LAMA3: variants seen among roughly 807,000 people sequenced by gnomAD.
The protein encoded by LAMA3 is laminin subunit alpha-3.
Under a neutral mutation model 402.0 loss-of-function variants are expected in LAMA3, and 281 were observed. That is an observed-to-expected ratio of 0.70 (90% CI 0.63 to 0.77). The LOEUF (loss-of-function observed/expected upper bound fraction) is 0.77. Among genes scored for constraint, LAMA3 ranks in the 30% least tolerant of loss-of-function variants. The pLI is 0.00. For missense variants in LAMA3, 3,840 were observed against 4,215.5 expected (o/e 0.91, Z 2.47); for synonymous variants, 1,431 against 1,558.4 (o/e 0.92, Z 1.93).
intron 42 of LAMA3, among the ~76,000 whole-genome samples, chr18:23,893,068 T>C (rs2080740998): frequency 6.6e-6 from 1 of 152,066 alleles, no homozygotes; most frequent in Non-Finnish European, 1.5e-5. Context: ...CCCCATATTT[T>C]CCATAATTAA....
intron 65 of LAMA3, chr18:23,931,812 C>G: frequency 2.8e-6 from 1 of 353,786 alleles, no homozygotes; most frequent in Non-Finnish European, 5.4e-6. Context: ...TGGGGTGCTA[C>G]TCTGTTCCGT....
At chr18:23,892,899 GTC>G (rs943528863) in intron 42 of LAMA3, among the ~76,000 whole-genome samples, 7 of 102,096 alleles carry the variant, frequency 6.9e-5, no homozygotes, top group East Asian at 3.9e-4. Context: ...GCGAAACTCT[GTC>G]TCAAAAAAAA....
intron 2 of LAMA3, among the ~76,000 whole-genome samples, chr18:23,722,036 C>A (rs1021569430): frequency 2.6e-5 from 4 of 152,242 alleles, no homozygotes; most frequent in African/African-American, 9.6e-5. Context: ...CTTAACATGT[C>A]ACATACGCTC....
At chr18:23,709,065 G>GT (rs746380907) in intron 1 of LAMA3, among the ~76,000 whole-genome samples, 40 of 151,038 alleles carry the variant, frequency 2.6e-4, no homozygotes, top group Middle Eastern at 3.3e-3. Context: ...TCATTTGGAG[G>GT]TTTTTTCTTT....
In LAMA3 at chr18:23,939,239, C is replaced by A. The variant is rs751028609; in HGVS notation, c.8879C>A (p.Pro2960Gln). Residue 2960 changes from proline to glutamine, a missense_variant, in exon 68 of 75, where the codon CCA becomes CAA. Physicochemically the swap from Pro to Gln is moderately conservative, Grantham distance 76. Around this residue, in one of 3 missense-constraint regions of LAMA3, gnomAD observed 840 missense variants for 981.9 expected, o/e 0.86. Transcript: ENST00000313654. ...CCCATGCAGCTGTTGCAGGACACACCAGTGGCCTCCCCAAGGAGCGTGAAG... is the reference window on the plus strand; with the variant it reads ...CCCATGCAGCTGTTGCAGGACACACAAGTGGCCTCCCCAAGGAGCGTGAAG... ...FRINQLLQDT[P>Q]VASPRSVKVW... 1 of 1,614,078 alleles carries A rather than the reference C, an allele frequency of 6.2e-7. No homozygotes were observed. Among genetic ancestry groups the A allele is most frequent in the East Asian group, 2.2e-5 (1 of 44,886 alleles).
chr18:23,891,961 A>G (rs1354442240), intron 42 of LAMA3, among the ~76,000 whole-genome samples: 1 of 152,220 alleles, frequency 6.6e-6, no homozygotes, highest in African/African-American at 2.4e-5. Context: ...GTGTCACACG[A>G]GGAAGGATTG....
Position 23,904,103 on chromosome 18 carries a change from A to G in LAMA3, c.6473+16A>G. ...AGCTGGAAGAGTGAGTGCATGGCCC[A>G]GGAGACCAGAAGGGCACGTGGGCTG... is the stretch of plus-strand genomic sequence containing the variant. On this transcript the variant is annotated intron_variant, in intron 50 of 74. Coordinates refer to ENST00000313654, the MANE Select transcript of LAMA3 (RefSeq NM_198129.4). 1 of 1,613,034 alleles carries G rather than the reference A, an allele frequency of 6.2e-7. No individual in the cohort carries two copies. Among genetic ancestry groups the G allele is most frequent in the Non-Finnish European group, 8.5e-7 (1 of 1,179,920 alleles).
At chr18:23,724,566 C>T (rs576109172) in intron 2 of LAMA3, among the ~76,000 whole-genome samples, 4 of 152,080 alleles carry the variant, frequency 2.6e-5, no homozygotes, top group Non-Finnish European at 5.9e-5. Flanking sequence ...CTTTCAATGC[C>T]AACAGAATCA....
rs375379765 is a variant in LAMA3 at position 23,949,940 on chromosome 18, A to G, written c.9511+16A>G. On this transcript the variant is annotated intron_variant, in intron 71 of 74. Coordinates refer to ENST00000313654, the MANE Select transcript of LAMA3 (RefSeq NM_198129.4). ...GTCGTCTTGGGTAAGGAGCAGTTCT[A>G]TAGAATTTAAGTCTTTGCATCTTAA... is the stretch of plus-strand genomic sequence containing the variant. 5.0e-6 allele frequency: 8 copies of G among 1,613,956 alleles called. No individual in the cohort carries two copies. The highest frequency in any genetic ancestry group is 6.8e-6 in the Non-Finnish European group (8 of 1,179,996).
intron 11 of LAMA3, among the ~76,000 whole-genome samples, chr18:23,780,483 G>A (rs1027594085): frequency 6.6e-6 from 1 of 152,106 alleles, no homozygotes; most frequent in Non-Finnish European, 1.5e-5. Context: ...AAGAGAAGCC[G>A]TGGGGCTAGG....
intron 41 of LAMA3, 42 bp downstream of exon 41, chr18:23,884,895 G>T (rs369180719): frequency 6.6e-7 from 1 of 1,509,510 alleles, no homozygotes; most frequent in Non-Finnish European, 9.1e-7. Flanking sequence ...CAGAGGGGGC[G>T]GGGAGGGCTG....
chr18:23,732,024 G>C (rs944919095), intron 2 of LAMA3, among the ~76,000 whole-genome samples: 1 of 152,192 alleles, frequency 6.6e-6, no homozygotes, highest in East Asian at 1.9e-4. Context: ...GGCAGCCCTG[G>C]CAATGTGATT....
intron 12 of LAMA3, chr18:23,796,174 A>T: frequency 3.1e-6 from 1 of 327,604 alleles, no homozygotes; most frequent in South Asian, 2.5e-5. Context: ...GTATTTTGTT[A>T]TGGCAGCTCA....
chr18:23,892,334 T>A (rs1248653631), intron 42 of LAMA3, among the ~76,000 whole-genome samples: 1 of 152,194 alleles, frequency 6.6e-6, no homozygotes, highest in Non-Finnish European at 1.5e-5. Flanking sequence ...AGAAAATGCT[T>A]ATGTATGAGA....
intron 2 of LAMA3, among the ~76,000 whole-genome samples, chr18:23,725,097 C>T (rs898934330): frequency 1.3e-5 from 2 of 151,774 alleles, no homozygotes; most frequent in African/African-American, 2.4e-5. Context: ...CTAAGTATAA[C>T]AGTATAACTC....
chr18:23,855,557 G>A (rs567043856), intron 32 of LAMA3, among the ~76,000 whole-genome samples: 2 of 152,344 alleles, frequency 1.3e-5, no homozygotes, highest in South Asian at 4.1e-4. Context: ...GTCACAAGAA[G>A]AGAGCAGTTG....
At chr18:23,913,855 A>T (rs1335916233) in intron 56 of LAMA3, among the ~76,000 whole-genome samples, 1 of 152,238 alleles carries the variant, frequency 6.6e-6, no homozygotes, top group East Asian at 1.9e-4. Flanking sequence ...ACAAAAATTT[A>T]TTCTCGAATG....
At position 23,842,750 on chromosome 18, in the gene LAMA3, G is replaced by A. The variant is rs1463156748; in HGVS notation, c.3603G>A (p.Leu1201=). The A allele has an allele frequency of 1.2e-6, 2 of 1,614,150 alleles. No individual in the cohort carries two copies. Among genetic ancestry groups the A allele is most frequent in the Non-Finnish European group, 1.7e-6 (2 of 1,180,030 alleles). ...TTCCAGAAGGAAAGTCCTTGGTTTT[G>A]GTGCGTTCCACTCGTTCCTCAACTT... The part of the protein sequence containing the change: ...VKVPEGKSLV[L]VRVLVVPAEN... Residue 1201 remains leucine (L), a splice_region_variant and synonymous_variant, in exon 29 of 75, where the codon TTG becomes TTA. Transcript: ENST00000313654.
chr18:23,877,377 T>C (rs2064756187), intron 39 of LAMA3, among the ~76,000 whole-genome samples: 1 of 152,384 alleles, frequency 6.6e-6, no homozygotes, highest in East Asian at 1.9e-4. Flanking sequence ...TCTGCTTTTT[T>C]CTTTTGTTTC....
Sources: allele counts gnomAD v4.1 joint callset (sites outside exome capture counted in the v4.1 genomes callset), GRCh38; gene constraint gnomAD v4.1.1; regional missense constraint gnomAD v4.1.1; transcripts MANE v1.5; gene names NCBI Gene and HGNC (gene_info 2026-07-23, HGNC 2026-07-21).